Variants in COL4A2 observed in about 807,000 individuals in gnomAD.
The protein encoded by COL4A2 is collagen alpha-2(IV) chain.
COL4A2 carries 99 observed loss-of-function variants against 200.2 expected under a neutral mutation model. The observed-to-expected ratio is 0.49, with a 90% CI of 0.42 to 0.58. The LOEUF is 0.58. COL4A2 is among the 20% of genes least tolerant of loss of function. The probability of loss-of-function intolerance (pLI) is 0.00; values close to 1 mark genes in which losing one functional copy is unlikely to be tolerated. For missense variants in COL4A2, 1,950 were observed against 2,314.1 expected, an observed-to-expected ratio of 0.84 and a Z score of 3.23; for synonymous variants, 897 against 900.6, an observed-to-expected ratio of 1.00 and a Z score of 0.07.
At position 110,484,920 on chromosome 13, in the gene COL4A2, C is replaced by T. The variant is rs1883060185; in HGVS notation, c.2918C>T (p.Pro973Leu). Residue 973 changes from proline to leucine, a missense_variant, in exon 33 of 48, where the codon CCT becomes CTT. Pro to Leu is a moderately conservative substitution (Grantham distance 98, BLOSUM62 -3). Coordinates refer to ENST00000360467, the MANE Select transcript of COL4A2 (RefSeq NM_001846.4). ...EPGFKGSRGD[P>L]GPPGPPPVIL... is the part of the protein sequence containing the mutation. ...TCCCTTCCAGGCAGCCGAGGGGACC[C>T]TGGGCCCCCAGGACCACCTCCTGTC... 11 of 1,611,808 alleles carry T rather than the reference C, an allele frequency of 6.8e-6. No individual in the cohort carries two copies. The highest frequency in any genetic ancestry group is 8.5e-6 in the Non-Finnish European group (10 of 1,178,538).
intron 3 of COL4A2, among the ~76,000 whole-genome samples, chr13:110,318,135 A>G (rs938576229): frequency 2.0e-5 from 3 of 152,178 alleles, no homozygotes; most frequent in African/African-American, 2.4e-5. Context: ...TTCATCTGTA[A>G]ACGGGAATAC....
At chr13:110,493,827 G>A (rs996808968) in intron 39 of COL4A2, among the ~76,000 whole-genome samples, 1 of 151,834 alleles carries the variant, frequency 6.6e-6, no homozygotes, top group African/African-American at 2.4e-5. Context: ...TCTGGGGGGG[G>A]CCGCGTCCTG....
chr13:110,355,038 C>T lies in COL4A2; in HGVS notation c.100-2434C>T, dbSNP rs185968553. Among the ~76,000 whole-genome samples, 501 of 152,346 alleles carry T rather than the reference C, an allele frequency of 3.3e-3. 4 individuals carry two copies. The highest frequency in any genetic ancestry group is 3.4e-3 in the Non-Finnish European group (231 of 68,028). ...AGTGATAGTCCTGTTTAGTCATTGA[C>T]ACGTAACTCAGAAGAGAGTGAAAAG... On this transcript the variant is annotated intron_variant, in intron 3 of 47. Transcript: ENST00000360467.
chr13:110,375,769 G>T (rs1878210462), intron 4 of COL4A2, among the ~76,000 whole-genome samples: 1 of 152,028 alleles, frequency 6.6e-6, no homozygotes, highest in Non-Finnish European at 1.5e-5. Flanking sequence ...GTCGGAGGCT[G>T]CAGTGAGCCA....
intron 3 of COL4A2, among the ~76,000 whole-genome samples, chr13:110,327,377 C>T (rs191674535): frequency 1.3e-5 from 2 of 152,374 alleles, no homozygotes; most frequent in African/African-American, 2.4e-5. Flanking sequence ...ACAAACTTCT[C>T]CTCGCGTCAC....
rs9301460 is a variant in COL4A2, at chr13:110,503,806, G to A, written c.4139-41G>A. On this transcript the variant is annotated intron_variant, in intron 43 of 47. Coordinates refer to ENST00000360467, the MANE Select transcript of COL4A2 (RefSeq NM_001846.4). The stretch of plus-strand genomic sequence containing the variant: ...AGCACTCGGAGCAAGAGAGTGGAAC[G>A]ACCTTGTGTGTTTACTGGGGCCTCT... 0.37 allele frequency: 588,369 copies of A among 1,609,432 alleles called. 110,353 individuals carry two copies. The highest frequency in any genetic ancestry group is 0.46 in the African/African-American group (34,622 of 74,780).
At chr13:110,356,754 G>C (rs192626773) in intron 3 of COL4A2, among the ~76,000 whole-genome samples, 1 of 146,104 alleles carries the variant, frequency 6.8e-6, no homozygotes. Context: ...GCTTGGCATC[G>C]GGCAGTTTAT....
At chr13:110,435,560 T>C (rs1324650748) in intron 12 of COL4A2, among the ~76,000 whole-genome samples, 1 of 152,242 alleles carries the variant, frequency 6.6e-6, no homozygotes, top group African/African-American at 2.4e-5. Flanking sequence ...ATCATCTCCA[T>C]TTACTGCTGT....
chr13:110,316,043 G>A (rs1308745535), intron 3 of COL4A2, among the ~76,000 whole-genome samples: 1 of 152,144 alleles, frequency 6.6e-6, no homozygotes, highest in Admixed American at 6.5e-5. Context: ...AGGAATCATG[G>A]ATCAGTCTGA....
At position 110,472,984 on chromosome 13, in the gene COL4A2, A is replaced by T. The variant is rs772276933; in HGVS notation, c.2259A>T (p.Gly753=). Residue 753 remains glycine (G), a synonymous_variant, in exon 29 of 48, where the codon GGA becomes GGT. Transcript: ENST00000360467. ...KGAVGLPGPD[G]SPGPIGLPGP... is the part of the protein sequence containing the mutation. ...CAGTGGGCCTCCCTGGCCCAGATGG[A>T]TCCCCAGGTCCCATCGGCCTGCCAG... 5 of 1,546,238 alleles carry T rather than the reference A, an allele frequency of 3.2e-6. No homozygotes were observed. The East Asian group carries it at 9.6e-5, about 30-fold the overall frequency.
At chr13:110,475,308 G>T (rs1400319817) in intron 29 of COL4A2, among the ~76,000 whole-genome samples, 3 of 152,216 alleles carry the variant, frequency 2.0e-5, no homozygotes, top group Non-Finnish European at 2.9e-5. Flanking sequence ...CTGTGTGTCA[G>T]CCTTCCTGGA....
intron 4 of COL4A2, among the ~76,000 whole-genome samples, chr13:110,357,882 G>A (rs566957674): frequency 6.6e-6 from 1 of 152,274 alleles, no homozygotes; most frequent in Admixed American, 6.5e-5. Context: ...AACGGAGCTT[G>A]CGGGACTTGG....
chr13:110,370,417 A>G (rs1877952512), intron 4 of COL4A2, among the ~76,000 whole-genome samples: 1 of 151,938 alleles, frequency 6.6e-6, no homozygotes, highest in Non-Finnish European at 1.5e-5. Context: ...CACCATGTCC[A>G]GCTAATTTTT....
At chr13:110,385,434 CCTGGATAGACCGTGGCTGCAGTGT>C (rs1878656240) in intron 4 of COL4A2, among the ~76,000 whole-genome samples, 3 of 43,244 alleles carry the variant, frequency 6.9e-5, no homozygotes, top group Non-Finnish European at 1.4e-4. Context: ...GGTTACAGTG[CCTGGATAGACCGTGGCTGCAGTGT>C]GTGGATAGGC....
intron 3 of COL4A2, among the ~76,000 whole-genome samples, chr13:110,312,364 G>C (rs1885008217): frequency 6.6e-6 from 1 of 152,172 alleles, no homozygotes; most frequent in Non-Finnish European, 1.5e-5. Flanking sequence ...CAGAGAGAGA[G>C]AGGTGAAGAG....
chr13:110,415,273 T>G (rs913618685), intron 4 of COL4A2, among the ~76,000 whole-genome samples: 1 of 152,190 alleles, frequency 6.6e-6, no homozygotes, highest in Non-Finnish European at 1.5e-5. Context: ...TGAATTTTAT[T>G]GTATGTAAAT....
At chr13:110,391,009 G>A (rs1878965251) in intron 4 of COL4A2, among the ~76,000 whole-genome samples, 2 of 152,276 alleles carry the variant, frequency 1.3e-5, no homozygotes, top group South Asian at 4.1e-4. Flanking sequence ...AGTGAATTAC[G>A]AATTCATCAA....
chr13:110,316,726 T>A (rs1382081039), intron 3 of COL4A2, among the ~76,000 whole-genome samples: 1 of 152,176 alleles, frequency 6.6e-6, no homozygotes, highest in Non-Finnish European at 1.5e-5. Flanking sequence ...AACTGAGGCA[T>A]GTGCAGGAAG....
In COL4A2 at chr13:110,492,066, C is replaced by T. The variant is rs1883302733; in HGVS notation, c.3455-4C>T. On this transcript the variant is annotated splice_polypyrimidine_tract_variant and splice_region_variant and intron_variant, in intron 37 of 47. Transcript: ENST00000360467. ...CTCAGACTTAATGCTGTGTTCACCC[C>T]CAGGCTTTCCAGGGCTGACTGGGCC... 6.4e-7 allele frequency: 1 copy of T among 1,551,250 alleles called. No individual in the cohort carries two copies. The highest frequency in any genetic ancestry group is 8.7e-7 in the Non-Finnish European group (1 of 1,146,768).
Sources: gnomAD v4.1 joint callset for allele counts (sites outside exome capture counted in the v4.1 genomes callset) on GRCh38, gnomAD v4.1.1 for gene constraint, MANE v1.5 for transcripts, NCBI Gene and HGNC (gene_info 2026-07-23, HGNC 2026-07-21) for gene names.